The following ZMYND11 variants were observed in gnomAD, a reference collection of about 807,000 sequenced individuals.
ZMYND11 encodes zinc finger MYND domain-containing protein 11.
In ZMYND11, 9 loss-of-function variants were observed where a neutral mutation model predicts 84.9. That is an observed-to-expected ratio of 0.11 (90% CI 0.06 to 0.18). The LOEUF (loss-of-function observed/expected upper bound fraction) is 0.18. Ranked by LOEUF, ZMYND11 falls within the 10% of genes least tolerant of loss-of-function variation. ZMYND11 has a pLI of 1.00. For missense variants in ZMYND11, 409 were observed against 761.0 expected (o/e 0.54, Z 5.44); for synonymous variants, 250 against 244.1 (o/e 1.02, Z -0.23).
intron 2 of ZMYND11, among the ~76,000 whole-genome samples, chr10:207,020 G>A (rs987544187): frequency 3.3e-5 from 5 of 152,004 alleles, no homozygotes; most frequent in African/African-American, 9.7e-5. Context: ...CCCAGAGTGT[G>A]ATGTTCCCCT....
At chr10:243,965 A>T (rs1245591199) in intron 10 of ZMYND11, among the ~76,000 whole-genome samples, 1 of 151,954 alleles carries the variant, frequency 6.6e-6, no homozygotes, top group Non-Finnish European at 1.5e-5. Context: ...TTTCAGAGGT[A>T]TTTTTTTTCC....
intron 10 of ZMYND11, among the ~76,000 whole-genome samples, chr10:243,347 C>CATTAAATAAAACACAGTTAACTTAGA (rs1422637485): frequency 6.6e-6 from 1 of 152,130 alleles, no homozygotes; most frequent in African/African-American, 2.4e-5. Flanking sequence ...ATGTTTTTCA[C>CATTAAATAAAACACAGTTAACTTAGA]ATTAAATAAA....
At chr10:152,753 ATATGCATTCTTC>A (rs1554757468) in intron 1 of ZMYND11, among the ~76,000 whole-genome samples, 2 of 152,204 alleles carry the variant, frequency 1.3e-5, no homozygotes, top group Non-Finnish European at 2.9e-5. Flanking sequence ...AATCAACAGA[ATATGCATTCTTC>A]TCAGCACCAC....
upstream of ZMYND11, among the ~76,000 whole-genome samples, chr10:133,987 A>T (rs1013038879): frequency 6.6e-6 from 1 of 152,140 alleles, no homozygotes; most frequent in Non-Finnish European, 1.5e-5. Context: ...GTAGAAGCAG[A>T]TTGATATATT....
intron 1 of ZMYND11, among the ~76,000 whole-genome samples, chr10:158,461 C>T (rs1382602324): frequency 1.3e-5 from 2 of 151,130 alleles, no homozygotes; most frequent in Middle Eastern, 3.4e-3. Flanking sequence ...CTGTGTCACC[C>T]AGGTTGGAGT....
At chr10:155,287 A>C (rs1229546982) in intron 1 of ZMYND11, among the ~76,000 whole-genome samples, 2 of 152,216 alleles carry the variant, frequency 1.3e-5, no homozygotes, top group African/African-American at 4.8e-5. Context: ...TGTTGTTAAC[A>C]AAGAAGGGAA....
intron 1 of ZMYND11, among the ~76,000 whole-genome samples, chr10:174,119 G>A (rs1219416550): frequency 1.3e-5 from 2 of 152,170 alleles, no homozygotes; most frequent in Admixed American, 6.5e-5. Flanking sequence ...GTTTATAGCA[G>A]CTTTGTTTTG....
chr10:210,525 T>C (rs1481159178), intron 3 of ZMYND11, among the ~76,000 whole-genome samples: 1 of 152,220 alleles, frequency 6.6e-6, no homozygotes, highest in African/African-American at 2.4e-5. Context: ...CGTTAAGTTC[T>C]CCTGGCCAGT....
chr10:199,294 ACTCCCTCCCTCTCTTC>A lies in ZMYND11; in HGVS notation c.117-10583_117-10568del, dbSNP rs1371137855. Among the ~76,000 whole-genome samples the A allele has an allele frequency of 2.4e-4, 5 of 20,748 alleles. No homozygotes were observed. In the South Asian group the frequency reaches 0.014, roughly 56 times the overall value. The allele number at this position is 20,748 out of a possible 152,430, so 13.6% of individuals were successfully genotyped here. A position where few individuals can be genotyped will look rare whatever the true frequency, so the allele number is the denominator to read the frequency against. ...TCCCCTTCCCATCCCTCCCTCCCTC[ACTCCCTCCCTCTCTTC>A]CTCCCTCCCTCCCTCCCTCTCTCCC... On this transcript the variant is annotated intron_variant, in intron 2 of 14. Transcript: ENST00000381604.
intron 2 of ZMYND11, among the ~76,000 whole-genome samples, chr10:207,573 A>G (rs1944420918): frequency 1.3e-5 from 2 of 152,202 alleles, no homozygotes; most frequent in Non-Finnish European, 2.9e-5. Flanking sequence ...TTTGATTGGC[A>G]TTTCTCTGAT....
At chr10:187,705 T>C (rs1939126480) in intron 2 of ZMYND11, among the ~76,000 whole-genome samples, 1 of 151,936 alleles carries the variant, frequency 6.6e-6, no homozygotes, top group Admixed American at 6.6e-5. Context: ...TGGAAAATAT[T>C]AAAAGGGTCA....
chr10:234,238 C>T (rs1469737539), intron 4 of ZMYND11, among the ~76,000 whole-genome samples: 3 of 152,226 alleles, frequency 2.0e-5, no homozygotes, highest in South Asian at 2.1e-4. Context: ...AACAGCAACT[C>T]CTGCACATAA....
At chr10:228,648 G>A (rs1003519000) in intron 4 of ZMYND11, among the ~76,000 whole-genome samples, 1 of 152,202 alleles carries the variant, frequency 6.6e-6, no homozygotes, top group African/African-American at 2.4e-5. Context: ...ACACATTTAA[G>A]TTATTTTCTG....
intron 14 of ZMYND11, among the ~76,000 whole-genome samples, chr10:250,676 A>G (rs72653019): frequency 6.6e-6 from 1 of 152,352 alleles, no homozygotes; most frequent in Non-Finnish European, 1.5e-5. Context: ...ATTAAATAGA[A>G]TGATTAAAAA....
chr10:248,902 G>A lies in ZMYND11; in HGVS notation c.1501-1G>A. ...CACTGTGGGTTGTCTTTTCATTCCA[G>A]CTGCGTTCTGAAATGGAAGAAGAAA... is the stretch of plus-strand genomic sequence containing the variant. On this transcript the variant is annotated splice_acceptor_variant, in intron 13 of 14. Coordinates refer to ENST00000381604, the MANE Select transcript of ZMYND11 (RefSeq NM_001370100.5). LOFTEE classifies it high-confidence loss of function. The A allele has an allele frequency of 6.2e-7, 1 of 1,605,922 alleles. No individual in the cohort carries two copies. The highest frequency in any genetic ancestry group is 1.1e-5 in the South Asian group (1 of 89,762).
At chr10:209,863 T>C in intron 2 of ZMYND11, 26 bp from the exon 3 acceptor site, 1 of 1,576,700 alleles carries the variant, frequency 6.3e-7, no homozygotes, top group Non-Finnish European at 8.6e-7. Context: ...GAAAGATTTT[T>C]AAATTTGTTT....
chr10:177,790 T>G (rs1162675598), intron 1 of ZMYND11, among the ~76,000 whole-genome samples: 2 of 152,166 alleles, frequency 1.3e-5, no homozygotes, highest in African/African-American at 4.8e-5. Context: ...CTTCAGTGTT[T>G]GCTCTAGAAA....
At chr10:165,298 T>G (rs1222564622) in intron 1 of ZMYND11, among the ~76,000 whole-genome samples, 1 of 152,172 alleles carries the variant, frequency 6.6e-6, no homozygotes, top group African/African-American at 2.4e-5. Context: ...ACTGGACTTC[T>G]GTAAGACAGC....
At chr10:136,406 G>A (rs1033093123) in intron 1 of ZMYND11, among the ~76,000 whole-genome samples, 1 of 152,202 alleles carries the variant, frequency 6.6e-6, no homozygotes, top group African/African-American at 2.4e-5. Context: ...GTGCAGTGCG[G>A]TGTCCTATGC....
Sources: gnomAD v4.1 joint callset for allele counts (sites outside exome capture counted in the v4.1 genomes callset) on GRCh38, gnomAD v4.1.1 for gene constraint, MANE v1.5 for transcripts, NCBI Gene and HGNC (gene_info 2026-07-23, HGNC 2026-07-21) for gene names.